The following ASTN2 variants were observed in gnomAD, a reference collection of about 807,000 sequenced individuals.
ASTN2 encodes the protein astrotactin 2.
ASTN2 carries 54 observed loss-of-function variants against 139.8 expected under a neutral mutation model. The ratio of observed to expected loss-of-function variants is 0.39; its 90% CI spans 0.31 to 0.48. The LOEUF is 0.48. ASTN2 is among the 20% of genes least tolerant of loss of function. The probability of loss-of-function intolerance (pLI) is 0.95; values close to 1 mark genes in which losing one functional copy is unlikely to be tolerated. For synonymous variants in ASTN2, 756 were observed against 719.5 expected (o/e 1.05, Z -0.81); for missense variants, 1,565 against 1,725.1 (o/e 0.91, Z 1.64).
At chr9:117,004,191 C>T (rs1228944104) in intron 7 of ASTN2, among the ~76,000 whole-genome samples, 4 of 152,066 alleles carry the variant, frequency 2.6e-5, no homozygotes, top group East Asian at 1.9e-4. Flanking sequence ...ATGATCATGG[C>T]TAACTGTAGC....
chr9:117,148,421 C>T (rs1245394298), intron 3 of ASTN2, among the ~76,000 whole-genome samples: 1 of 152,184 alleles, frequency 6.6e-6, no homozygotes, highest in Admixed American at 6.5e-5. Context: ...TCATTTAACT[C>T]ATTCTTTCTC....
intron 16 of ASTN2, among the ~76,000 whole-genome samples, chr9:116,725,285 C>T (rs1214029553): frequency 1.3e-5 from 2 of 152,032 alleles, no homozygotes; most frequent in Non-Finnish European, 2.9e-5. Context: ...ATAAAAGCCT[C>T]ACCACAGGAC....
chr9:117,110,004 C>T (rs4838205), intron 4 of ASTN2, among the ~76,000 whole-genome samples: 8,870 of 152,112 alleles, frequency 0.058, 554 homozygotes, highest in East Asian at 0.18. Context: ...CTCTGAAATA[C>T]GCCTATTTCA....
intron 4 of ASTN2, among the ~76,000 whole-genome samples, chr9:117,134,432 C>T (rs1021307738): frequency 6.6e-6 from 1 of 151,688 alleles, no homozygotes; most frequent in African/African-American, 2.4e-5. Flanking sequence ...GAATTTGCTT[C>T]TCCTCCCAAC....
intron 12 of ASTN2, among the ~76,000 whole-genome samples, chr9:116,817,376 T>C (rs1337258310): frequency 6.6e-6 from 1 of 152,030 alleles, no homozygotes; most frequent in Non-Finnish European, 1.5e-5. Flanking sequence ...TGATGCCTCT[T>C]AGGGCTCAGA....
chr9:117,242,380 C>G lies in ASTN2; in HGVS notation c.631-27638G>C, dbSNP rs1459121869. On this transcript the variant is annotated intron_variant, in intron 2 of 22. Transcript: ENST00000313400. ...AGTTTCTCCCTGTACCAAATGAGCT[C>G]TGAGTTCTTAGTACTTGATGTACTT... Among the ~76,000 whole-genome samples, 3 of 152,042 alleles carry G rather than the reference C, an allele frequency of 2.0e-5. No individual in the cohort carries two copies. In the East Asian group the frequency reaches 5.8e-4, roughly 29 times the overall value.
chr9:116,971,600 C>A (rs1354142403), intron 10 of ASTN2, among the ~76,000 whole-genome samples: 1 of 152,174 alleles, frequency 6.6e-6, no homozygotes, highest in African/African-American at 2.4e-5. Context: ...TTCCTCAAAG[C>A]CCATGACAAA....
intron 6 of ASTN2, among the ~76,000 whole-genome samples, chr9:117,036,516 A>AAAATTAACC (rs1838388635): frequency 6.6e-6 from 1 of 152,134 alleles, no homozygotes; most frequent in South Asian, 2.1e-4. Flanking sequence ...CTTTCATATG[A>AAAATTAACC]AAATTAACCA....
intron 5 of ASTN2, among the ~76,000 whole-genome samples, chr9:117,089,437 T>C (rs554042594): frequency 6.6e-6 from 1 of 152,356 alleles, no homozygotes; most frequent in East Asian, 1.9e-4. Flanking sequence ...AAAACAATGA[T>C]ATACTGGAGG....
chr9:117,022,450 A>G (rs926924349), intron 6 of ASTN2, among the ~76,000 whole-genome samples: 1 of 108,796 alleles, frequency 9.2e-6, no homozygotes, highest in Non-Finnish European at 2.2e-5. Context: ...GGCAAAAAAA[A>G]AAAACAAAAA....
chr9:117,117,166 C>A (rs773190920), intron 4 of ASTN2, among the ~76,000 whole-genome samples: 4 of 151,902 alleles, frequency 2.6e-5, no homozygotes, highest in Non-Finnish European at 5.9e-5. Context: ...GGATGGGGTA[C>A]CTCAGTTTCC....
intron 1 of ASTN2, among the ~76,000 whole-genome samples, chr9:117,402,507 C>T (rs922830057): frequency 2.0e-4 from 31 of 152,218 alleles, no homozygotes; most frequent in Admixed American, 2.0e-3. Context: ...GTGGGTAGAG[C>T]AGGTTTAGGG....
At chr9:116,503,100 GAAAAGAA>G (rs1343414187) in intron 19 of ASTN2, among the ~76,000 whole-genome samples, 2 of 148,750 alleles carry the variant, frequency 1.3e-5, no homozygotes, top group South Asian at 2.1e-4. Flanking sequence ...GAAGATGGAA[GAAAAGAA>G]AAAAGGAAGG....
At chr9:116,839,572 CA>C (rs1832127962) in intron 11 of ASTN2, among the ~76,000 whole-genome samples, 1 of 151,910 alleles carries the variant, frequency 6.6e-6, no homozygotes, top group African/African-American at 2.4e-5. Context: ...CTCTGCCTCC[CA>C]GGTTTAAGCG....
At position 117,214,438 on chromosome 9, in the gene ASTN2, T is replaced by A; in HGVS notation, c.935A>T (p.Asp312Val). 6.2e-7 allele frequency: 1 copy of A among 1,614,114 alleles called. No individual in the cohort carries two copies. Among genetic ancestry groups the A allele is most frequent in the Non-Finnish European group, 8.5e-7 (1 of 1,179,970 alleles). The part of the protein sequence containing the change: ...PRRANHVSRE[D>V]EFGSQVTHTL... ...GTGGGTCACCTGGCTGCCAAACTCG[T>A]CCTCGCGGGAGACATGGTTGGCCCG... The change falls in exon 3 of 23, where the codon GAC (aspartate) becomes GTC (valine). Residue 312 changes from aspartate (D) to valine (V), a missense_variant. This residue lies in a region of ASTN2 where 596 missense variants were observed against 576.8 expected (regional missense o/e 1.03). Transcript: ENST00000313400.
At chr9:117,296,061 C>G (rs1007736091) in intron 1 of ASTN2, among the ~76,000 whole-genome samples, 1 of 151,706 alleles carries the variant, frequency 6.6e-6, no homozygotes, top group African/African-American at 2.4e-5. Flanking sequence ...GGGCGGATCA[C>G]GAGGTCAAGA....
chr9:117,110,035 GA>G (rs1305448210), intron 4 of ASTN2, among the ~76,000 whole-genome samples: 2 of 152,058 alleles, frequency 1.3e-5, no homozygotes, highest in Non-Finnish European at 2.9e-5. Flanking sequence ...TGCTGCCATA[GA>G]ACCAGGAAGA....
chr9:116,783,094 G>A (rs1209670733), intron 13 of ASTN2, among the ~76,000 whole-genome samples: 1 of 152,088 alleles, frequency 6.6e-6, no homozygotes, highest in East Asian at 1.9e-4. Flanking sequence ...GGATATATGA[G>A]CACCCTCCAC....
chr9:117,097,046 T>C (rs1319316941), intron 4 of ASTN2, among the ~76,000 whole-genome samples: 1 of 152,152 alleles, frequency 6.6e-6, no homozygotes, highest in African/African-American at 2.4e-5. Flanking sequence ...AGCCATGGTA[T>C]ATACAAGGAA....
Sources: allele counts gnomAD v4.1 joint callset (sites outside exome capture counted in the v4.1 genomes callset), GRCh38; gene constraint gnomAD v4.1.1; regional missense constraint gnomAD v4.1.1; transcripts MANE v1.5; gene names NCBI Gene and HGNC (gene_info 2026-07-23, HGNC 2026-07-21).